Variants in SNX29 observed in about 807,000 individuals in gnomAD.
SNX29 encodes sorting nexin-29.
In SNX29, 78 loss-of-function variants were observed where a neutral mutation model predicts 102.1. That is an observed-to-expected ratio of 0.76 (90% confidence interval 0.64 to 0.92). The LOEUF is 0.92. Ranked by LOEUF, SNX29 falls within the 40% of genes least tolerant of loss-of-function variation. The pLI is 0.00. For synonymous variants in SNX29, 580 were observed against 414.5 expected, an observed-to-expected ratio of 1.40 and a Z score of -4.85; for missense variants, 1,280 against 1,061.7, an observed-to-expected ratio of 1.21 and a Z score of -2.86.
At chr16:12,529,420 C>T (rs1040569487) in intron 20 of SNX29, among the ~76,000 whole-genome samples, 2 of 152,168 alleles carry the variant, frequency 1.3e-5, no homozygotes, top group Admixed American at 6.5e-5. Flanking sequence ...TGGAGGGAGG[C>T]TCGGACTCCA....
At chr16:12,224,065 C>G (rs951301787) in intron 14 of SNX29, among the ~76,000 whole-genome samples, 1 of 152,152 alleles carries the variant, frequency 6.6e-6, no homozygotes, top group East Asian at 1.9e-4. Context: ...TGGTAGCCTT[C>G]CTCCCCTAGC....
At chr16:12,318,013 ACGCCACCGATGGAGGACTGACCTTGTGTT>A (rs2080808159) in intron 15 of SNX29, among the ~76,000 whole-genome samples, 1 of 152,198 alleles carries the variant, frequency 6.6e-6, no homozygotes, top group African/African-American at 2.4e-5. Context: ...GGTTGTCATC[ACGCCACCGATGGAGGACTGACCTTGTGTT>A]CGGCCCCACG....
At chr16:12,018,440 G>A (rs1280810087) in intron 3 of SNX29, among the ~76,000 whole-genome samples, 9 of 151,194 alleles carry the variant, frequency 6.0e-5, no homozygotes, top group Non-Finnish European at 1.2e-4. Context: ...AAAATCAGCC[G>A]GGCGTGGTGG....
chr16:12,477,998 G>C lies in SNX29; in HGVS notation c.2178+139G>C. 4.0e-6 allele frequency: 4 copies of C among 1,008,226 alleles called. No homozygotes were observed. The South Asian group carries it at 5.8e-5, about 15-fold the overall frequency. The allele number at this position is 1,008,226 out of a possible 1,614,324, so 62.5% of individuals were successfully genotyped here. ...GGAGATAAGAAAAAAATAGAGAAAA[G>C]AAATAGCCATTCATAATTCCACCAC... is the stretch of plus-strand genomic sequence containing the variant. On this transcript the variant is annotated intron_variant, in intron 19 of 20. Coordinates refer to ENST00000566228, the MANE Select transcript of SNX29 (RefSeq NM_032167.5).
chr16:12,561,466 T>G (rs895850896), intron 20 of SNX29, among the ~76,000 whole-genome samples: 3 of 152,064 alleles, frequency 2.0e-5, no homozygotes, highest in Non-Finnish European at 4.4e-5. Context: ...CAGCTCCTAG[T>G]AAGTGGAGTA....
intron 18 of SNX29, among the ~76,000 whole-genome samples, chr16:12,463,817 AGTGTGTGTGTGTGTGTGT>A (rs143006476): frequency 1.4e-5 from 2 of 143,270 alleles, no homozygotes; most frequent in Admixed American, 7.0e-5. Flanking sequence ...TCCCGAAGTG[AGTGTGTGTGTGTGTGTGT>A]GTGTGTGTGT....
At chr16:12,567,099 C>T (rs969414405) in intron 20 of SNX29, among the ~76,000 whole-genome samples, 6 of 152,114 alleles carry the variant, frequency 3.9e-5, no homozygotes, top group African/African-American at 1.4e-4. Flanking sequence ...GGAATGATTT[C>T]TTTATGAATG....
intron 14 of SNX29, among the ~76,000 whole-genome samples, chr16:12,247,112 A>G (rs1290341956): frequency 6.6e-6 from 1 of 152,220 alleles, no homozygotes. Flanking sequence ...TGGTGGTATC[A>G]GCCCTGCATT....
intron 20 of SNX29, among the ~76,000 whole-genome samples, chr16:12,547,647 T>G (rs555814255): frequency 6.6e-6 from 1 of 152,146 alleles, no homozygotes; most frequent in South Asian, 2.1e-4. Context: ...GGAGATATGA[T>G]TCCCACCCCA....
At chr16:12,376,858 C>G (rs1023063801) in intron 16 of SNX29, among the ~76,000 whole-genome samples, 1 of 152,050 alleles carries the variant, frequency 6.6e-6, no homozygotes, top group Non-Finnish European at 1.5e-5. Context: ...CTCTTTGCCC[C>G]GTTCTATCCT....
At chr16:12,005,563 T>G (rs2056425774) in intron 3 of SNX29, among the ~76,000 whole-genome samples, 1 of 152,100 alleles carries the variant, frequency 6.6e-6, no homozygotes, top group African/African-American at 2.4e-5. Context: ...TGTATGGGTG[T>G]GTGTGCCGTG....
chr16:12,095,535 C>T (rs982722503), intron 11 of SNX29, among the ~76,000 whole-genome samples: 12 of 152,174 alleles, frequency 7.9e-5, no homozygotes, highest in African/African-American at 2.9e-4. Context: ...ATGCATGCAG[C>T]TTTCTGTTCA....
At chr16:12,055,656 G>T (rs994507456) in intron 8 of SNX29, among the ~76,000 whole-genome samples, 10 of 152,194 alleles carry the variant, frequency 6.6e-5, no homozygotes, top group African/African-American at 2.4e-4. Context: ...GAGGCAATCT[G>T]CTGGCAGAAT....
chr16:12,403,716 G>A (rs1005484974), intron 18 of SNX29, among the ~76,000 whole-genome samples, 187 bp downstream of exon 18: 2 of 152,196 alleles, frequency 1.3e-5, no homozygotes, highest in African/African-American at 2.4e-5. Flanking sequence ...TGGGCAGGGG[G>A]ATACGGTGGG....
chr16:12,063,518 G>T (rs1396927295), intron 9 of SNX29, among the ~76,000 whole-genome samples: 1 of 151,794 alleles, frequency 6.6e-6, no homozygotes, highest in Non-Finnish European at 1.5e-5. Context: ...GGGATTACAG[G>T]CATGCACCAC....
chr16:12,173,100 T>C, intron 13 of SNX29, among the ~76,000 whole-genome samples: 1 of 152,242 alleles, frequency 6.6e-6, no homozygotes, highest in Non-Finnish European at 1.5e-5. Flanking sequence ...CACATTGCTC[T>C]GCAAGGAAGT....
intron 14 of SNX29, among the ~76,000 whole-genome samples, chr16:12,250,521 G>A (rs764311236): frequency 3.3e-5 from 5 of 152,192 alleles, no homozygotes; most frequent in Admixed American, 6.5e-5. Context: ...GGGCTCATGA[G>A]CCTCTTACCC....
chr16:12,258,228 A>G (rs2078631546), intron 14 of SNX29, among the ~76,000 whole-genome samples: 1 of 152,112 alleles, frequency 6.6e-6, no homozygotes, highest in Non-Finnish European at 1.5e-5. Flanking sequence ...GCCCCGTGTC[A>G]TCTGCCGCCA....
chr16:12,542,029 CTTTT>C (rs993726374), intron 20 of SNX29, among the ~76,000 whole-genome samples: 3 of 152,058 alleles, frequency 2.0e-5, no homozygotes, highest in Admixed American at 1.3e-4. Flanking sequence ...TCTGTTTTTT[CTTTT>C]TTTAATTAGT....
Sources: allele counts gnomAD v4.1 joint callset (sites outside exome capture counted in the v4.1 genomes callset), GRCh38; gene constraint gnomAD v4.1.1; transcripts MANE v1.5; gene names NCBI Gene and HGNC (gene_info 2026-07-23, HGNC 2026-07-21).